Variants in PDCD6IP observed in about 807,000 individuals in gnomAD.
PDCD6IP encodes the protein programmed cell death 6-interacting protein.
A neutral mutation model predicts 103.7 loss-of-function variants in PDCD6IP; 43 were observed. The observed-to-expected ratio is 0.41, with a 90% confidence interval of 0.32 to 0.53. The LOEUF is 0.53. Among genes scored for constraint, PDCD6IP ranks in the 20% least tolerant of loss-of-function variants. The pLI is 0.16. For synonymous variants in PDCD6IP, 354 were observed against 378.7 expected (o/e 0.93, Z 0.76); for missense variants, 871 against 1,036.7 (o/e 0.84, Z 2.20).
At chr3:33,836,417 A>T in intron 8 of PDCD6IP, 151 bp downstream of exon 8, 1 of 599,500 alleles carries the variant, frequency 1.7e-6, no homozygotes. Context: ...ATATTGTGCC[A>T]GTGCAATGTT....
chr3:33,835,099 A>G (rs542549850), intron 7 of PDCD6IP, among the ~76,000 whole-genome samples: 29 of 152,332 alleles, frequency 1.9e-4, no homozygotes, highest in African/African-American at 6.5e-4. Context: ...TATCCCTAAT[A>G]ATGCTTTTTA....
At chr3:33,814,295 C>A (rs1696784570) in intron 3 of PDCD6IP, among the ~76,000 whole-genome samples, 2 of 152,000 alleles carry the variant, frequency 1.3e-5, no homozygotes, top group African/African-American at 4.8e-5. Flanking sequence ...CACCCGCCAC[C>A]ACACCTGGGT....
chr3:33,827,398 T>C (rs2125557728), intron 6 of PDCD6IP: 1 of 210,352 alleles, frequency 4.8e-6, no homozygotes, highest in African/African-American at 2.3e-5. Context: ...TCTTTGTACA[T>C]TAAAAAATTG....
intron 7 of PDCD6IP, among the ~76,000 whole-genome samples, chr3:33,832,959 T>C (rs7649584): frequency 0.14 from 20,850 of 152,086 alleles, 1,869 homozygotes; most frequent in East Asian, 0.39. Context: ...TGGTCAAACA[T>C]ATATAAAAGT....
chr3:33,839,054 G>T (rs1468174152), intron 9 of PDCD6IP, among the ~76,000 whole-genome samples: 1 of 152,122 alleles, frequency 6.6e-6, no homozygotes, highest in Admixed American at 6.5e-5. Context: ...CGATCCTCCT[G>T]CCTTGACCTC....
chr3:33,819,847 C>T (rs1696948197), intron 3 of PDCD6IP, among the ~76,000 whole-genome samples: 1 of 152,186 alleles, frequency 6.6e-6, no homozygotes, highest in Non-Finnish European at 1.5e-5. Context: ...AGTTATTTTT[C>T]AATTGTGATA....
Position 33,856,557 on chromosome 3 carries a change from G to A in PDCD6IP, c.2120+1297G>A, listed in dbSNP as rs554192480. ...AAACCAGATAGAACAGTTATTTAAC[G>A]TTCTGTAAACAGAACACTTATTTAA... On this transcript the variant is annotated intron_variant, in intron 15 of 17. Transcript: ENST00000307296. 5.3e-5 allele frequency among the ~76,000 whole-genome samples: 8 copies of A among 152,250 alleles called. No homozygotes were observed. The East Asian group carries it at 9.6e-4, about 18-fold the overall frequency.
intron 7 of PDCD6IP, 28 bp downstream of exon 7, chr3:33,828,997 G>A (rs375033435): frequency 7.2e-6 from 11 of 1,532,354 alleles, no homozygotes; most frequent in Middle Eastern, 1.8e-4. Flanking sequence ...AAATATTTAA[G>A]TAACTAACTT....
chr3:33,828,482 GCTCTGTGCTTTGTGTTC>G (rs1697176896), intron 6 of PDCD6IP: 1 of 160,582 alleles, frequency 6.2e-6, no homozygotes, highest in South Asian at 1.7e-4. Flanking sequence ...AGCTTCTAAA[GCTCTGTGCTTTGTGTTC>G]CTCTGTGAAT....
At chr3:33,818,513 C>CT (rs61405380) in intron 3 of PDCD6IP, among the ~76,000 whole-genome samples, 1,814 of 89,238 alleles carry the variant, frequency 0.02, 45 homozygotes, top group Non-Finnish European at 0.024. Flanking sequence ...TGATCCCTTG[C>CT]TTTTTTTTTT....
intron 10 of PDCD6IP, among the ~76,000 whole-genome samples, chr3:33,843,758 A>AT (rs1357599074): frequency 6.6e-6 from 1 of 151,850 alleles, no homozygotes; most frequent in Non-Finnish European, 1.5e-5. Flanking sequence ...TAAATTTTAT[A>AT]TTTTTTAATG....
intron 4 of PDCD6IP, among the ~76,000 whole-genome samples, chr3:33,824,773 G>A (rs1697074677): frequency 6.6e-6 from 1 of 152,202 alleles, no homozygotes; most frequent in South Asian, 2.1e-4. Context: ...TGTACTACCT[G>A]GGGTGTCCCC....
At position 33,865,406 on chromosome 3, in the gene PDCD6IP, A is replaced by G. The variant is rs755598362; in HGVS notation, c.2408A>G (p.Tyr803Cys). The change falls in exon 17 of 18, where the codon TAT becomes TGT. Residue 803 changes from tyrosine to cysteine, a missense_variant. This residue lies in a region of PDCD6IP where 202 missense variants were observed against 205.2 expected (regional missense o/e 0.98). Coordinates refer to ENST00000307296, the MANE Select transcript of PDCD6IP (RefSeq NM_013374.6). Reference sequence around the variant, plus strand: ...CCTCCACAGGCGCAGGGACCACCCTATCCCACCTATCCAGGATATCCTGGG... The same window carrying G: ...CCTCCACAGGCGCAGGGACCACCCTGTCCCACCTATCCAGGATATCCTGGG... ...APPPQAQGPP[Y>C]PTYPGYPGYC... 24 of 1,594,632 alleles carry G rather than the reference A, an allele frequency of 1.5e-5. No individual in the cohort carries two copies. The highest frequency in any genetic ancestry group is 1.7e-4 in the Middle Eastern group (1 of 6,024).
chr3:33,818,307 C>T (rs566706369), intron 3 of PDCD6IP, among the ~76,000 whole-genome samples: 62 of 151,172 alleles, frequency 4.1e-4, no homozygotes, highest in Non-Finnish European at 6.8e-4. Flanking sequence ...GGGGTTTCAC[C>T]ATGTTGGCCA....
In PDCD6IP at chr3:33,803,558, T is replaced by C. The variant is rs1696524945; in HGVS notation, c.209+4621T>C. 2.0e-5 allele frequency among the ~76,000 whole-genome samples: 3 copies of C among 152,188 alleles called. No homozygotes were observed. In the South Asian group the frequency reaches 6.2e-4, roughly 31 times the overall value. ...TTTTTCATTAGGTATGTTGCAAAAA[T>C]CTTCCAATCTGTTTCTTGTCTCTCA... On this transcript the variant is annotated intron_variant, in intron 1 of 17. Coordinates refer to ENST00000307296, the MANE Select transcript of PDCD6IP (RefSeq NM_013374.6).
intron 3 of PDCD6IP, 29 bp from the exon 4 acceptor site, chr3:33,821,926 A>G (rs746700528): frequency 3.1e-6 from 5 of 1,592,196 alleles, no homozygotes; most frequent in South Asian, 1.1e-5. Context: ...AAATAATCTG[A>G]TGAATTTTTC....
chr3:33,863,933 A>T (rs1195531700), intron 15 of PDCD6IP, 73 bp from the exon 16 acceptor site: 2 of 970,896 alleles, frequency 2.1e-6, no homozygotes, highest in Non-Finnish European at 3.3e-6. Flanking sequence ...GTATGAAGAA[A>T]AGAAAAGCTG....
chr3:33,864,046 T>G lies in PDCD6IP; in HGVS notation c.2161T>G (p.Ser721Ala). The part of the protein sequence containing the change: ...QSIAREPSAP[S>A]IPTPAYQSSP... The stretch of plus-strand genomic sequence containing the variant: ...CATTGCCAGAGAACCTAGTGCTCCT[T>G]CAATTCCTACACCTGCGTATCAGTC... The change falls in exon 16 of 18, where the codon TCA (serine) becomes GCA (alanine). Residue 721 changes from serine to alanine, a missense_variant. By Grantham distance (99) the Ser-to-Ala change is moderately conservative. This residue lies in a region of PDCD6IP where 202 missense variants were observed against 205.2 expected (regional missense o/e 0.98). Coordinates refer to ENST00000307296, the MANE Select transcript of PDCD6IP (RefSeq NM_013374.6). The G allele has an allele frequency of 1.2e-6, 2 of 1,614,074 alleles. No individual in the cohort carries two copies. Among genetic ancestry groups the G allele is most frequent in the Non-Finnish European group, 1.7e-6 (2 of 1,179,948 alleles).
chr3:33,814,261 T>G (rs1386608955), intron 3 of PDCD6IP, among the ~76,000 whole-genome samples: 1 of 151,788 alleles, frequency 6.6e-6, no homozygotes, highest in East Asian at 1.9e-4. Context: ...TCTCCTATTC[T>G]TCTACCTCAG....
Sources: gnomAD v4.1 joint callset for allele counts (sites outside exome capture counted in the v4.1 genomes callset) on GRCh38, gnomAD v4.1.1 for gene constraint, gnomAD v4.1.1 regional missense constraint, MANE v1.5 for transcripts, NCBI Gene and HGNC (gene_info 2026-07-23, HGNC 2026-07-21) for gene names.